CDC14B: variants seen among roughly 807,000 people sequenced by gnomAD.
The protein encoded by CDC14B is cell division cycle 14B, also known as dual specificity protein phosphatase CDC14B.
In CDC14B, 22 loss-of-function variants were observed where a neutral mutation model predicts 64.2. That is an observed-to-expected ratio of 0.34 (90% CI 0.24 to 0.49). CDC14B has a LOEUF of 0.49. Ranked by LOEUF, CDC14B falls within the 20% of genes least tolerant of loss-of-function variation. The pLI is 0.99. For synonymous variants in CDC14B, 191 were observed against 215.8 expected, an observed-to-expected ratio of 0.89 and a Z score of 1.01; for missense variants, 498 against 629.9, an observed-to-expected ratio of 0.79 and a Z score of 2.24.
chr9:96,586,278 T>C (rs927805427), intron 1 of CDC14B, among the ~76,000 whole-genome samples: 3 of 152,166 alleles, frequency 2.0e-5, no homozygotes, highest in Non-Finnish European at 2.9e-5. Context: ...AATTGAGAAT[T>C]ATCTTGACCT....
chr9:96,520,536 T>G (rs998187768), intron 12 of CDC14B, among the ~76,000 whole-genome samples: 1 of 151,996 alleles, frequency 6.6e-6, no homozygotes, highest in Non-Finnish European at 1.5e-5. Context: ...TTAATGAGAG[T>G]AGCAGATTCA....
At chr9:96,576,632 C>CAAAAAAA (rs11304216) in intron 1 of CDC14B, among the ~76,000 whole-genome samples, 5 of 81,658 alleles carry the variant, frequency 6.1e-5, no homozygotes, top group Admixed American at 1.5e-4. Flanking sequence ...GACTCCATCT[C>CAAAAAAA]AAAAAAAAAA....
At position 96,581,162 on chromosome 9, in the gene CDC14B, G is replaced by A. The variant is rs896029176; in HGVS notation, c.161-15679C>T. 2.0e-5 allele frequency among the ~76,000 whole-genome samples: 3 copies of A among 152,172 alleles called. 1 individual carries two copies. The highest frequency in any genetic ancestry group is 4.1e-4 in the South Asian group (2 of 4,828). On this transcript the variant is annotated intron_variant, in intron 1 of 13. Coordinates refer to ENST00000375241, the MANE Select transcript of CDC14B (RefSeq NM_033331.4). Reference sequence around the variant, plus strand: ...GGAGAATCGCTTGAACCCAGGAGGTGGAGGTTGAGGTGAGCTGCGATTGCA... The same window carrying A: ...GGAGAATCGCTTGAACCCAGGAGGTAGAGGTTGAGGTGAGCTGCGATTGCA...
downstream of CDC14B, among the ~76,000 whole-genome samples, chr9:96,498,331 C>T (rs1833338002): frequency 6.6e-6 from 1 of 152,222 alleles, no homozygotes; most frequent in South Asian, 2.1e-4. Flanking sequence ...GAGGCTCGGC[C>T]AGCAGATCAA....
At chr9:96,566,389 C>T (rs559363507) in intron 1 of CDC14B, among the ~76,000 whole-genome samples, 2 of 149,820 alleles carry the variant, frequency 1.3e-5, no homozygotes, top group Non-Finnish European at 3.0e-5. Context: ...TGCAATTCAA[C>T]TCATGCAATT....
chr9:96,512,514 G>A (rs1835052943), intron 12 of CDC14B, among the ~76,000 whole-genome samples: 1 of 151,380 alleles, frequency 6.6e-6, no homozygotes, highest in Non-Finnish European at 1.5e-5. Context: ...TTATAGAGAT[G>A]GGGTCTCGCT....
At chr9:96,523,178 A>G in intron 11 of CDC14B, 83 bp downstream of exon 11, 4 of 1,400,262 alleles carry the variant, frequency 2.9e-6, no homozygotes, top group Non-Finnish European at 4.0e-6. Flanking sequence ...TTATTATTTT[A>G]CCTACGGTTT....
At chr9:96,541,792 A>G (rs1840095385) in intron 6 of CDC14B, 34 bp downstream of exon 6, 6 of 1,496,040 alleles carry the variant, frequency 4.0e-6, no homozygotes, top group South Asian at 1.3e-5. Flanking sequence ...TAGTTCCTCA[A>G]CACAACACTG....
At chr9:96,504,531 G>A (rs1437238196) in intron 13 of CDC14B, among the ~76,000 whole-genome samples, 1 of 152,224 alleles carries the variant, frequency 6.6e-6, no homozygotes, top group East Asian at 1.9e-4. Context: ...TCCCAACAGA[G>A]CACTGAGTCA....
chr9:96,567,843 A>G (rs57008035), intron 1 of CDC14B, among the ~76,000 whole-genome samples: 5,874 of 152,308 alleles, frequency 0.039, 378 homozygotes, highest in African/African-American at 0.13. Flanking sequence ...AACATAAAGG[A>G]TAAATGCTTA....
chr9:96,579,784 C>T (rs1440378778), intron 1 of CDC14B, among the ~76,000 whole-genome samples: 1 of 152,140 alleles, frequency 6.6e-6, no homozygotes, highest in Non-Finnish European at 1.5e-5. Context: ...GTTGTCTACA[C>T]CACGCAGACT....
chr9:96,604,361 TTATTATTATTATTA>T (rs1170932643), intron 1 of CDC14B, among the ~76,000 whole-genome samples: 2 of 144,560 alleles, frequency 1.4e-5, no homozygotes, highest in Non-Finnish European at 3.0e-5. Flanking sequence ...ATTATTATTA[TTATTATTATTATTA>T]TTATTATTAT....
chr9:96,576,087 C>A (rs369379121), intron 1 of CDC14B, among the ~76,000 whole-genome samples: 3 of 151,566 alleles, frequency 2.0e-5, no homozygotes, highest in African/African-American at 7.3e-5. Context: ...ACCAGCCTGG[C>A]CAACATGGTG....
At chr9:96,513,338 T>G (rs1475993547) in intron 12 of CDC14B, among the ~76,000 whole-genome samples, 1 of 152,156 alleles carries the variant, frequency 6.6e-6, no homozygotes, top group African/African-American at 2.4e-5. Flanking sequence ...CTATCATGAG[T>G]GACAGCACAC....
chr9:96,547,896 G>C (rs1841198411), intron 5 of CDC14B, among the ~76,000 whole-genome samples: 1 of 152,038 alleles, frequency 6.6e-6, no homozygotes, highest in Admixed American at 6.6e-5. Context: ...CACCATCTCA[G>C]CTCAATGCAA....
Position 96,511,301 on chromosome 9 carries a change from G to A in CDC14B, c.1344-1512C>T, listed in dbSNP as rs374563873. The stretch of plus-strand genomic sequence containing the variant: ...AAAAAAGCAACAAGAGGCTGGGCAC[G>A]GTGGCTCACACCTGTAATCCTAGCA... On this transcript the variant is annotated intron_variant, in intron 12 of 13. Coordinates refer to ENST00000375241, the MANE Select transcript of CDC14B (RefSeq NM_033331.4). Among the ~76,000 whole-genome samples the A allele has an allele frequency of 2.0e-3, 300 of 152,300 alleles. 4 individuals are homozygous for A. The highest frequency in any genetic ancestry group is 6.7e-3 in the African/African-American group (280 of 41,564).
In CDC14B at chr9:96,589,069, C is replaced by T. The variant is rs558170981; in HGVS notation, c.161-23586G>A. ...GTACCCTGGTGGCCAGGAGCAGTGGCTCATGCCTGTAATCCTAGCACTTTG... is the reference window on the plus strand; with the variant it reads ...GTACCCTGGTGGCCAGGAGCAGTGGTTCATGCCTGTAATCCTAGCACTTTG... On this transcript the variant is annotated intron_variant, in intron 1 of 13. Transcript: ENST00000375241. Among the ~76,000 whole-genome samples the T allele has an allele frequency of 1.3e-4, 20 of 152,314 alleles. No individual in the cohort carries two copies. In the East Asian group the frequency reaches 3.9e-3, roughly 29 times the overall value.
chr9:96,558,853 C>G (rs1842809082), intron 4 of CDC14B, among the ~76,000 whole-genome samples: 1 of 152,168 alleles, frequency 6.6e-6, no homozygotes, highest in African/African-American at 2.4e-5. Context: ...CAAACAAAAG[C>G]TCAAGTCATC....
chr9:96,497,018 C>T (rs1833276410), downstream of CDC14B, among the ~76,000 whole-genome samples: 1 of 152,178 alleles, frequency 6.6e-6, no homozygotes, highest in Non-Finnish European at 1.5e-5. Context: ...AGAACGGCCC[C>T]GCCTGAAAAG....
Sources: gnomAD v4.1 joint callset for allele counts (sites outside exome capture counted in the v4.1 genomes callset) on GRCh38, gnomAD v4.1.1 for gene constraint, MANE v1.5 for transcripts, NCBI Gene and HGNC (gene_info 2026-07-23, HGNC 2026-07-21) for gene names.